CHST15: variants seen among roughly 807,000 people sequenced by gnomAD.
CHST15 encodes the protein B cell RAG associated protein (GALNAC4S-6ST).
Under a neutral mutation model 53.6 loss-of-function variants are expected in CHST15, and 30 were observed. That is an observed-to-expected ratio of 0.56 (90% CI 0.42 to 0.76). The LOEUF (loss-of-function observed/expected upper bound fraction) is 0.76, where lower values mean the gene tolerates loss of function less well. Ranked by LOEUF, CHST15 falls within the 30% of genes least tolerant of loss-of-function variation. The pLI, the probability that CHST15 is intolerant of heterozygous loss-of-function variation, is 0.00. For synonymous variants in CHST15, 296 were observed against 289.8 expected (o/e 1.02, Z -0.22); for missense variants, 627 against 740.5 (o/e 0.85, Z 1.78).
rs1406336422 is a variant in CHST15 at position 124,074,532 on chromosome 10, G to A, written c.-513+18937C>T. 1.3e-5 allele frequency among the ~76,000 whole-genome samples: 2 copies of A among 152,040 alleles called. No individual in the cohort carries two copies. The highest frequency in any genetic ancestry group is 1.5e-5 in the Non-Finnish European group (1 of 68,008). ...GAACTCTGGGTCCAGGCACCTCACT[G>A]GGGACTTACATAACATCCCCCTGCA... On this transcript the variant is annotated intron_variant, in intron 1 of 7. Coordinates refer to ENST00000435907, the MANE Select transcript of CHST15 (RefSeq NM_001270764.2). This position sits in a 1 kb window ranked among gnomAD's most constrained non-coding sequence, Gnocchi z 4.4.
intron 1 of CHST15, among the ~76,000 whole-genome samples, chr10:124,057,904 T>C (rs1948435485): frequency 6.6e-6 from 1 of 151,474 alleles, no homozygotes; most frequent in South Asian, 2.1e-4. Context: ...ATGCACAAAA[T>C]AATCAGGTTT....
chr10:124,092,740 A>G (rs1231916353), intron 1 of CHST15, among the ~76,000 whole-genome samples: 2 of 152,044 alleles, frequency 1.3e-5, no homozygotes, highest in African/African-American at 4.8e-5. Context: ...AAACTTCCCC[A>G]AAGTGCGATA....
At chr10:124,033,817 A>C (rs1947316812) in intron 5 of CHST15, among the ~76,000 whole-genome samples, 1 of 152,206 alleles carries the variant, frequency 6.6e-6, no homozygotes, top group African/African-American at 2.4e-5. Flanking sequence ...GACGACCCCC[A>C]GCCTGATGAC....
chr10:124,062,457 C>T (rs78578933), intron 1 of CHST15, among the ~76,000 whole-genome samples: 3,537 of 152,292 alleles, frequency 0.023, 130 homozygotes, highest in African/African-American at 0.08. Flanking sequence ...CTCGGGCAAA[C>T]TGCTTTGCAC....
chr10:124,018,191 AC>A (rs1946651849), intron 6 of CHST15, among the ~76,000 whole-genome samples: 2 of 152,062 alleles, frequency 1.3e-5, no homozygotes, highest in East Asian at 1.9e-4. Context: ...GGGGTCCTGC[AC>A]CCCCTGACCC....
intron 1 of CHST15, among the ~76,000 whole-genome samples, chr10:124,071,047 TG>T (rs1382109201): frequency 1.3e-5 from 2 of 152,218 alleles, no homozygotes; most frequent in African/African-American, 4.8e-5. Flanking sequence ...TCTACCCCAC[TG>T]GGGTAAAGAA....
intron 1 of CHST15, among the ~76,000 whole-genome samples, chr10:124,057,755 C>T (rs539615995): frequency 5.9e-5 from 9 of 152,280 alleles, no homozygotes; most frequent in Non-Finnish European, 1.0e-4. Context: ...GGCCTCTGGC[C>T]GTGGCAGGCA....
intron 1 of CHST15, among the ~76,000 whole-genome samples, chr10:124,053,592 T>G (rs553149241): frequency 6.6e-6 from 1 of 150,930 alleles, no homozygotes. Context: ...CTCCCAGAGG[T>G]TGGCTACCAC....
intron 1 of CHST15, among the ~76,000 whole-genome samples, chr10:124,075,237 CGGTGGGGA>C (rs1429855152): frequency 6.6e-6 from 1 of 152,180 alleles, no homozygotes; most frequent in Non-Finnish European, 1.5e-5. Context: ...TGCATCCCCA[CGGTGGGGA>C]GGGTACAATC....
At chr10:124,087,280 G>C (rs1173884855) in intron 1 of CHST15, among the ~76,000 whole-genome samples, 4 of 152,146 alleles carry the variant, frequency 2.6e-5, no homozygotes, top group Middle Eastern at 3.2e-3. Context: ...GATAGATCCA[G>C]GGCCACCCTG....
At chr10:124,044,092 G>C (rs749395456) in intron 3 of CHST15, among the ~76,000 whole-genome samples, 125 of 151,156 alleles carry the variant, frequency 8.3e-4, no homozygotes, top group Non-Finnish European at 1.3e-3. Context: ...GAGCGGCACA[G>C]AGCAGGGAAC....
chr10:124,079,604 C>T (rs1391016438), intron 1 of CHST15, among the ~76,000 whole-genome samples: 2 of 152,120 alleles, frequency 1.3e-5, no homozygotes, highest in Non-Finnish European at 2.9e-5. Context: ...CCCACTCCCT[C>T]GCAGGTAGGG....
chr10:124,007,946 C>T lies in CHST15; in HGVS notation c.*2203G>A, dbSNP rs1946315211. 1.6e-6 allele frequency: 2 copies of T among 1,230,022 alleles called. No individual in the cohort carries two copies. The highest frequency in any genetic ancestry group is 3.2e-5 in the East Asian group (1 of 31,532). 76.2% of individuals were successfully genotyped at this position (1,230,022 alleles called of 1,614,324 possible). A position where few individuals can be genotyped will look rare whatever the true frequency, so the allele number is the denominator to read the frequency against. Reference sequence around the variant, plus strand: ...TATTCTGTCAGCAAGAGCCGGGCCTCGAATGAGAGGAAGCAGAGGCAGCCG... The same window carrying T: ...TATTCTGTCAGCAAGAGCCGGGCCTTGAATGAGAGGAAGCAGAGGCAGCCG... On this transcript the variant is annotated 3_prime_UTR_variant, in exon 8 of 8. Transcript: ENST00000435907.
intron 4 of CHST15, among the ~76,000 whole-genome samples, chr10:124,039,839 T>G (rs75514905): frequency 0.06 from 9,149 of 152,272 alleles, 907 homozygotes; most frequent in African/African-American, 0.21. Context: ...CTTGATTTCC[T>G]GACAGTTTGC....
intron 5 of CHST15, among the ~76,000 whole-genome samples, chr10:124,022,079 A>G (rs1946810214): frequency 6.6e-6 from 1 of 152,194 alleles, no homozygotes; most frequent in Non-Finnish European, 1.5e-5. Context: ...ACGGGAACTG[A>G]TCGTCTTCCT....
At chr10:124,038,281 T>C (rs1329549294) in intron 5 of CHST15, among the ~76,000 whole-genome samples, 2 of 151,984 alleles carry the variant, frequency 1.3e-5, no homozygotes, top group Non-Finnish European at 2.9e-5. Flanking sequence ...AATTTTTGTA[T>C]TTTTAGTAGA....
chr10:124,034,527 C>G, intron 5 of CHST15, among the ~76,000 whole-genome samples: 1 of 151,304 alleles, frequency 6.6e-6, no homozygotes, highest in Admixed American at 6.6e-5. Flanking sequence ...CTGGCTCCAC[C>G]CCTAACAGGG....
intron 5 of CHST15, among the ~76,000 whole-genome samples, chr10:124,028,007 A>C (rs975648342): frequency 1.4e-4 from 21 of 152,198 alleles, no homozygotes; most frequent in Admixed American, 5.2e-4. Context: ...GGTGATTTGG[A>C]AGAGAAAGTC....
In CHST15 at chr10:124,038,558, G is replaced by A. The variant is rs1175975127; in HGVS notation, c.1147C>T (p.Pro383Ser). The A allele has an allele frequency of 4.3e-6, 7 of 1,614,220 alleles. No individual in the cohort carries two copies. The highest frequency in any genetic ancestry group is 5.9e-6 in the Non-Finnish European group (7 of 1,180,042). Reference sequence around the variant, plus strand: ...AGCATGACAATCAGTCTGGCATTTGGCTGAAAGGCGTGGATGAAGTCCTGC... The same window carrying A: ...AGCATGACAATCAGTCTGGCATTTGACTGAAAGGCGTGGATGAAGTCCTGC... ...LTQDFIHAFQ[P>S]NARLIVMLRD... is the part of the protein sequence containing the mutation. Residue 383 changes from proline (P) to serine (S), a missense_variant, in exon 5 of 8, where the codon CCA becomes TCA. Transcript: ENST00000435907.
Sources: allele counts gnomAD v4.1 joint callset (sites outside exome capture counted in the v4.1 genomes callset), GRCh38; gene constraint gnomAD v4.1.1; non-coding constraint Gnocchi (gnomAD v3.1); transcripts MANE v1.5; gene names NCBI Gene and HGNC (gene_info 2026-07-23, HGNC 2026-07-21).